Variants in RGCC observed in about 807,000 individuals in gnomAD.
RGCC encodes regulator of cell cycle RGCC.
Under a neutral mutation model 15.4 loss-of-function variants are expected in RGCC, and 15 were observed. That is an observed-to-expected ratio of 0.97 (90% CI 0.65 to 1.50). RGCC has a LOEUF of 1.50. Ranked by LOEUF, RGCC falls within the 40% of genes most tolerant of loss-of-function variation. The probability of loss-of-function intolerance (pLI) is 0.00; values close to 1 mark genes in which losing one functional copy is unlikely to be tolerated. For missense variants in RGCC, 176 were observed against 189.7 expected, an observed-to-expected ratio of 0.93 and a Z score of 0.42; for synonymous variants, 81 against 78.0, an observed-to-expected ratio of 1.04 and a Z score of -0.20.
rs190391723 is a variant in RGCC at position 41,465,957 on chromosome 13, C to A, written c.236-866C>A. 7.0e-4 allele frequency among the ~76,000 whole-genome samples: 107 copies of A among 152,122 alleles called. 1 individual carries two copies. The highest frequency in any genetic ancestry group is 2.5e-3 in the African/African-American group (102 of 41,478). The stretch of plus-strand genomic sequence containing the variant: ...TGAGATGATTCCTTTTGCCTAAAAT[C>A]CTTACCCCCACACTCCCACCATCAA... On this transcript the variant is annotated intron_variant, in intron 2 of 4. Transcript: ENST00000379359.
rs2043859987 is a variant in RGCC, at chr13:41,468,755, TC to T, written c.344-20del. On this transcript the variant is annotated intron_variant, in intron 3 of 4. Transcript: ENST00000379359. ...AAACTGAACTCTCTCTCTCTCTCTC[TC>T]TCCCTCTCCTGTTTCACAGCTAAAT... is the stretch of plus-strand genomic sequence containing the variant. The T allele has an allele frequency of 6.9e-6, 11 of 1,583,186 alleles. No homozygotes were observed. In the African/African-American group the frequency reaches 1.5e-4, roughly 21 times the overall value.
Position 41,470,615 on chromosome 13 carries a change from C to T in RGCC, c.*130C>T. 1 of 893,314 alleles carries T rather than the reference C, an allele frequency of 1.1e-6. No individual in the cohort carries two copies. Among genetic ancestry groups the T allele is most frequent in the Non-Finnish European group, 1.8e-6 (1 of 541,424 alleles). The allele number at this position is 893,314 out of a possible 1,614,324, so 55.3% of individuals were successfully genotyped here. ...GTGCACTCAACCTTCTACCAGGCCA[C>T]TCTCAGGCTCACCTTAAAATCAGCC... is the stretch of plus-strand genomic sequence containing the variant. On this transcript the variant is annotated 3_prime_UTR_variant, in exon 5 of 5. Coordinates refer to ENST00000379359, the MANE Select transcript of RGCC (RefSeq NM_014059.3).
chr13:41,468,737 A>ACTCTCT (rs150442518), intron 3 of RGCC, 39 bp from the exon 4 acceptor site: 2 of 1,316,818 alleles, frequency 1.5e-6, no homozygotes, highest in Non-Finnish European at 2.1e-6. Context: ...TGGAAACTGA[A>ACTCTCT]CTCTCTCTCT....
Position 41,457,982 on chromosome 13 carries a change from G to C in RGCC, c.49+226G>C, listed in dbSNP as rs1015639822. 2.6e-5 allele frequency among the ~76,000 whole-genome samples: 4 copies of C among 152,052 alleles called. No homozygotes were observed. The highest frequency in any genetic ancestry group is 3.9e-4 in the East Asian group (2 of 5,120). Reference sequence around the variant, plus strand: ...CCAGCTCCGCGCGCGCCCGGGGTTGGGGGGAGCGGCGGGGACAGGTAACCG... The same window carrying C: ...CCAGCTCCGCGCGCGCCCGGGGTTGCGGGGAGCGGCGGGGACAGGTAACCG... On this transcript the variant is annotated intron_variant, in intron 1 of 4. Coordinates refer to ENST00000379359, the MANE Select transcript of RGCC (RefSeq NM_014059.3). This position sits in a 1 kb window ranked among gnomAD's most constrained non-coding sequence, Gnocchi z 4.9.
intron 2 of RGCC, among the ~76,000 whole-genome samples, chr13:41,464,731 T>G (rs2043839211): frequency 6.6e-6 from 1 of 152,148 alleles, no homozygotes; most frequent in Non-Finnish European, 1.5e-5. Context: ...GAGGAATGTA[T>G]TTTTGGGGAA....
At chr13:41,467,069 G>C (rs1156241332) in intron 3 of RGCC, 139 bp downstream of exon 3, 2 of 618,974 alleles carry the variant, frequency 3.2e-6, no homozygotes, top group African/African-American at 3.7e-5. Context: ...TCTTAATACT[G>C]TAGAGTATAC....
At position 41,468,937 on chromosome 13, in the gene RGCC, G is replaced by A. The variant is rs1227480416; in HGVS notation, c.406+99G>A. Reference sequence around the variant, plus strand: ...TAACCAGCTTGCCCTGGGGCAGAAAGTTTCATCCTAAGCCTTCTATAGGTT... The same window carrying A: ...TAACCAGCTTGCCCTGGGGCAGAAAATTTCATCCTAAGCCTTCTATAGGTT... On this transcript the variant is annotated intron_variant, in intron 4 of 4. Transcript: ENST00000379359. The A allele has an allele frequency of 5.4e-6, 5 of 933,752 alleles. No individual in the cohort carries two copies. In the African/African-American group the frequency reaches 6.7e-5, roughly 12 times the overall value. The allele number at this position is 933,752 out of a possible 1,614,324, so 57.8% of individuals were successfully genotyped here.
intron 2 of RGCC, among the ~76,000 whole-genome samples, chr13:41,466,058 G>GAC (rs1482924834): frequency 1.1e-4 from 17 of 150,842 alleles, no homozygotes; most frequent in African/African-American, 3.7e-4. Flanking sequence ...TACTTGATTT[G>GAC]ACACACACAC....
chr13:41,462,820 A>G (rs1317494038), intron 2 of RGCC, among the ~76,000 whole-genome samples: 1 of 152,220 alleles, frequency 6.6e-6, no homozygotes, highest in Non-Finnish European at 1.5e-5. Flanking sequence ...TGTTCTTAAT[A>G]AAACTCTATG....
Position 41,458,533 on chromosome 13 carries a change from A to G in RGCC, c.235+63A>G. 6.7e-7 allele frequency: 1 copy of G among 1,488,444 alleles called. No homozygotes were observed. Among genetic ancestry groups the G allele is most frequent in the Non-Finnish European group, 9.0e-7 (1 of 1,111,330 alleles). The allele number at this position is 1,488,444 out of a possible 1,614,324, so 92.2% of individuals were successfully genotyped here. ...CCAGCTCCCAGGACCTGCCCCGCGA[A>G]GGCTGCGGCCTCAGTTTTCTTATCA... On this transcript the variant is annotated intron_variant, in intron 2 of 4. Coordinates refer to ENST00000379359, the MANE Select transcript of RGCC (RefSeq NM_014059.3). The surrounding 1 kb of genome is among the most constrained non-coding windows in gnomAD (Gnocchi z 4.4).
chr13:41,461,011 A>T (rs1157513112), intron 2 of RGCC, among the ~76,000 whole-genome samples: 12 of 152,254 alleles, frequency 7.9e-5, no homozygotes, highest in Admixed American at 6.5e-4. Context: ...GGCAAAAAAT[A>T]GCCATTCCTC....
At chr13:41,464,821 A>T (rs1275214694) in intron 2 of RGCC, among the ~76,000 whole-genome samples, 1 of 152,112 alleles carries the variant, frequency 6.6e-6, no homozygotes, top group Non-Finnish European at 1.5e-5. Flanking sequence ...ATTTCAGGTG[A>T]GCTGGGCTGG....
intron 2 of RGCC, among the ~76,000 whole-genome samples, chr13:41,465,183 A>C (rs1031555722): frequency 5.3e-5 from 8 of 152,328 alleles, no homozygotes; most frequent in African/African-American, 1.9e-4. Context: ...TTAAAGTGGA[A>C]GAATCCCGAG....
chr13:41,463,338 C>T (rs926958958), intron 2 of RGCC, among the ~76,000 whole-genome samples: 8 of 151,816 alleles, frequency 5.3e-5, no homozygotes, highest in Non-Finnish European at 1.0e-4. Context: ...TGCTGGCGGT[C>T]GGCTTCTTCT....
At position 41,457,832 on chromosome 13, in the gene RGCC, G is replaced by T; in HGVS notation, c.49+76G>T. On this transcript the variant is annotated intron_variant, in intron 1 of 4. Transcript: ENST00000379359. The surrounding 1 kb of genome is among the most constrained non-coding windows in gnomAD (Gnocchi z 4.9). Reference sequence around the variant, plus strand: ...GGTGAGAAAGGAGGGGCCCCGTGTCGTCCCTTCACACCCCCCACCCTTCCA... The same window carrying T: ...GGTGAGAAAGGAGGGGCCCCGTGTCTTCCCTTCACACCCCCCACCCTTCCA... 7.4e-7 allele frequency: 1 copy of T among 1,346,418 alleles called. No individual in the cohort carries two copies. Among genetic ancestry groups the T allele is most frequent in the Non-Finnish European group, 9.5e-7 (1 of 1,048,038 alleles). 83.4% of individuals were successfully genotyped at this position (1,346,418 alleles called of 1,614,324 possible).
In RGCC at chr13:41,468,809, T is replaced by C; in HGVS notation, c.377T>C (p.Phe126Ser). The C allele has an allele frequency of 1.2e-6, 2 of 1,607,876 alleles. No homozygotes were observed. The highest frequency in any genetic ancestry group is 2.2e-5 in the East Asian group (1 of 44,864). Residue 126 changes from phenylalanine to serine, a missense_variant, in exon 4 of 5, where the codon TTC (phenylalanine) becomes TCC (serine). Phe to Ser is a radical substitution (Grantham distance 155). Transcript: ENST00000379359. The stretch of plus-strand genomic sequence containing the variant: ...GGAGACACAAAAGAGCTAGAAGCCT[T>C]CATTGCTGATCTTGACAAAACTTTA... The part of the protein sequence containing the change: ...KLGDTKELEA[F>S]IADLDKTLAS...
At position 41,458,789 on chromosome 13, in the gene RGCC, C is replaced by T. The variant is rs2043807192; in HGVS notation, c.235+319C>T. The stretch of plus-strand genomic sequence containing the variant: ...TTCCCTCCTCTTCTCCTTTCCGTGC[C>T]TCTCCCCTCTCAGCTGTAACTTTGC... On this transcript the variant is annotated intron_variant, in intron 2 of 4. Transcript: ENST00000379359. The surrounding 1 kb of genome is among the most constrained non-coding windows in gnomAD (Gnocchi z 4.4). Among the ~76,000 whole-genome samples, 1 of 152,100 alleles carries T rather than the reference C, an allele frequency of 6.6e-6. No homozygotes were observed. The highest frequency in any genetic ancestry group is 1.5e-5 in the Non-Finnish European group (1 of 68,030).
chr13:41,462,672 G>C (rs2043827695), intron 2 of RGCC, among the ~76,000 whole-genome samples: 1 of 152,192 alleles, frequency 6.6e-6, no homozygotes, highest in South Asian at 2.1e-4. Flanking sequence ...TGATCAGCCA[G>C]CAACACATTG....
At chr13:41,468,658 C>A (rs2043859486) in intron 3 of RGCC, 118 bp from the exon 4 acceptor site, 1 of 731,704 alleles carries the variant, frequency 1.4e-6, no homozygotes, top group Non-Finnish European at 2.3e-6. Context: ...TAGAAATAAT[C>A]CATTCTATAA....
Sources: gnomAD v4.1 joint callset for allele counts (sites outside exome capture counted in the v4.1 genomes callset) on GRCh38, gnomAD v4.1.1 for gene constraint, Gnocchi (gnomAD v3.1) non-coding constraint, MANE v1.5 for transcripts, NCBI Gene and HGNC (gene_info 2026-07-23, HGNC 2026-07-21) for gene names.